JMJD1C: variants seen among roughly 807,000 people sequenced by gnomAD.
JMJD1C encodes the protein jumonji domain-containing protein 1C.
In JMJD1C, 31 loss-of-function variants were observed where a neutral mutation model predicts 245.3. The observed-to-expected ratio is 0.13, with a 90% CI of 0.09 to 0.17. The LOEUF is 0.17. JMJD1C is among the 10% of genes least tolerant of loss of function. JMJD1C has a pLI of 1.00. For synonymous variants in JMJD1C, 1,057 were observed against 1,017.4 expected (o/e 1.04, Z -0.74); for missense variants, 2,691 against 3,000.2 (o/e 0.90, Z 2.41).
intron 24 of JMJD1C, among the ~76,000 whole-genome samples, chr10:63,174,196 A>T (rs1433758491): frequency 1.3e-5 from 2 of 152,256 alleles, no homozygotes; most frequent in Non-Finnish European, 2.9e-5. Context: ...TATTTACTTA[A>T]CAGAAATAAA....
chr10:63,198,363 G>A (rs1295359975), intron 12 of JMJD1C, 150 bp downstream of exon 12: 3 of 542,118 alleles, frequency 5.5e-6, no homozygotes, highest in Non-Finnish European at 9.7e-6. Flanking sequence ...GAAAGTATCT[G>A]TAACCTTAAA....
intron 1 of JMJD1C, among the ~76,000 whole-genome samples, chr10:63,424,498 T>C (rs987725890): frequency 4.2e-5 from 1 of 24,012 alleles, no homozygotes; most frequent in African/African-American, 8.8e-5. Context: ...TTATTATTTC[T>C]TTTTTTTTTT....
intron 3 of JMJD1C, among the ~76,000 whole-genome samples, chr10:63,244,645 A>C (rs77101526): frequency 0.015 from 2,281 of 152,270 alleles, 36 homozygotes; most frequent in African/African-American, 0.038. Context: ...AAGAAAACAG[A>C]GTGATCTCCA....
chr10:63,198,993 A>G (rs1256017802), intron 11 of JMJD1C, among the ~76,000 whole-genome samples: 1 of 152,170 alleles, frequency 6.6e-6, no homozygotes, highest in Non-Finnish European at 1.5e-5. Flanking sequence ...CAATAAAATG[A>G]AAACTGTTTA....
intron 24 of JMJD1C, among the ~76,000 whole-genome samples, chr10:63,170,393 G>A (rs544592753): frequency 1.3e-5 from 2 of 152,230 alleles, no homozygotes; most frequent in South Asian, 4.1e-4. Context: ...CCTGCCTCAG[G>A]GTTTGCTGTT....
At chr10:63,369,421 G>C (rs1430968113) in intron 2 of JMJD1C, among the ~76,000 whole-genome samples, 1 of 152,102 alleles carries the variant, frequency 6.6e-6, no homozygotes, top group African/African-American at 2.4e-5. Flanking sequence ...GGGATTACAG[G>C]CGTTTGCTAC....
At chr10:63,460,078 AATGGAGTTCT>A (rs951235849) in intron 1 of JMJD1C, among the ~76,000 whole-genome samples, 1 of 152,202 alleles carries the variant, frequency 6.6e-6, no homozygotes, top group African/African-American at 2.4e-5. Flanking sequence ...TGTACCAATC[AATGGAGTTCT>A]ATTCTGTAAG....
intron 1 of JMJD1C, among the ~76,000 whole-genome samples, chr10:63,508,509 C>T (rs563468501): frequency 6.6e-6 from 1 of 152,160 alleles, no homozygotes; most frequent in Non-Finnish European, 1.5e-5. Flanking sequence ...TTCTTGATAG[C>T]CACAAAGTAA....
At chr10:63,239,007 G>A (rs1851140810) in intron 3 of JMJD1C, among the ~76,000 whole-genome samples, 1 of 152,172 alleles carries the variant, frequency 6.6e-6, no homozygotes. Context: ...GACAAAATGG[G>A]TTGGCGGGTG....
chr10:63,319,255 T>TAAAAAA (rs59018554), intron 2 of JMJD1C, among the ~76,000 whole-genome samples: 1 of 85,934 alleles, frequency 1.2e-5, no homozygotes, highest in Non-Finnish European at 2.3e-5. Context: ...AGACTCCATC[T>TAAAAAA]AAAAAAAAAA....
chr10:63,429,173 T>A (rs1028550005), intron 1 of JMJD1C, among the ~76,000 whole-genome samples: 2 of 151,908 alleles, frequency 1.3e-5, no homozygotes, highest in South Asian at 2.1e-4. Flanking sequence ...AGAGACAGGG[T>A]TTCTTCATGA....
At chr10:63,250,642 T>C (rs1396468334) in intron 3 of JMJD1C, among the ~76,000 whole-genome samples, 2 of 152,194 alleles carry the variant, frequency 1.3e-5, no homozygotes, top group Non-Finnish European at 2.9e-5. Context: ...TGTTAATATG[T>C]GATGGAACTT....
chr10:63,410,458 T>A (rs192302714), intron 1 of JMJD1C, among the ~76,000 whole-genome samples: 1 of 152,268 alleles, frequency 6.6e-6, no homozygotes, highest in East Asian at 1.9e-4. Flanking sequence ...TGAAAGAAAG[T>A]GATAATATCT....
At chr10:63,277,690 A>G (rs1212061144) in intron 2 of JMJD1C, among the ~76,000 whole-genome samples, 2 of 151,012 alleles carry the variant, frequency 1.3e-5, no homozygotes, top group Non-Finnish European at 2.9e-5. Flanking sequence ...CAAATTGACC[A>G]AGTAAGAGCA....
intron 2 of JMJD1C, among the ~76,000 whole-genome samples, chr10:63,357,921 TC>T (rs1008010416): frequency 3.0e-5 from 4 of 131,264 alleles, no homozygotes; most frequent in Non-Finnish European, 4.8e-5. Context: ...AAAACAGACT[TC>T]CCCTGCCAGC....
chr10:63,389,281 C>G (rs1589648252), intron 1 of JMJD1C, among the ~76,000 whole-genome samples: 1 of 134,276 alleles, frequency 7.4e-6, no homozygotes, highest in Non-Finnish European at 1.5e-5. Context: ...CAATACAGTC[C>G]AGCCTGGGTG....
intron 1 of JMJD1C, among the ~76,000 whole-genome samples, chr10:63,381,988 G>C (rs1947255805): frequency 6.6e-6 from 1 of 152,178 alleles, no homozygotes; most frequent in Non-Finnish European, 1.5e-5. Context: ...AAGGCGGGTG[G>C]ATCACCTGAG....
chr10:63,193,184 C>T, intron 15 of JMJD1C, 33 bp from the exon 16 acceptor site: 1 of 1,566,628 alleles, frequency 6.4e-7, no homozygotes, highest in Non-Finnish European at 8.8e-7. Flanking sequence ...TTTTTAAACA[C>T]TTTCTTCAAT....
intron 1 of JMJD1C, among the ~76,000 whole-genome samples, chr10:63,485,967 A>G (rs1455242712): frequency 6.6e-6 from 1 of 152,012 alleles, no homozygotes; most frequent in Non-Finnish European, 1.5e-5. Flanking sequence ...GAGAAGTCCA[A>G]CAGAAGATAT....
Sources: allele counts gnomAD v4.1 joint callset (sites outside exome capture counted in the v4.1 genomes callset), GRCh38; gene constraint gnomAD v4.1.1; transcripts MANE v1.5; gene names NCBI Gene and HGNC (gene_info 2026-07-23, HGNC 2026-07-21).